PIAS1: variants seen among roughly 807,000 people sequenced by gnomAD.
PIAS1 encodes the protein E3 SUMO-protein ligase PIAS1.
Under a neutral mutation model 71.3 loss-of-function variants are expected in PIAS1, and 6 were observed. The observed-to-expected ratio is 0.08, with a 90% CI of 0.05 to 0.17. The LOEUF (loss-of-function observed/expected upper bound fraction) is 0.17, where lower values mean the gene tolerates loss of function less well. Among genes scored for constraint, PIAS1 ranks in the 10% least tolerant of loss-of-function variants. PIAS1 has a pLI of 1.00. For synonymous variants in PIAS1, 303 were observed against 292.9 expected, an observed-to-expected ratio of 1.03 and a Z score of -0.35; for missense variants, 555 against 793.6, an observed-to-expected ratio of 0.70 and a Z score of 3.61.
intron 2 of PIAS1, among the ~76,000 whole-genome samples, chr15:68,121,242 T>A (rs1300207032): frequency 6.7e-6 from 1 of 150,124 alleles, no homozygotes; most frequent in Non-Finnish European, 1.5e-5. Context: ...AGTAAAGTGT[T>A]AACAGTTGAC....
rs1358983681 is a variant in PIAS1 at position 68,178,170 on chromosome 15, T to C, written c.1481+1516T>C. On this transcript the variant is annotated intron_variant, in intron 11 of 13. Coordinates refer to ENST00000249636, the MANE Select transcript of PIAS1 (RefSeq NM_016166.3). The surrounding 1 kb of genome is among the most constrained non-coding windows in gnomAD (Gnocchi z 4.2). ...CTGTTGTCCCAACTACTCGGAGGGC[T>C]GATGGGGGAGGATCACTTGAACCTG... 6.6e-6 allele frequency among the ~76,000 whole-genome samples: 1 copy of C among 152,190 alleles called. No homozygotes were observed. Among genetic ancestry groups the C allele is most frequent in the Non-Finnish European group, 1.5e-5 (1 of 68,034 alleles).
chr15:68,096,391 T>A (rs2092375598), intron 2 of PIAS1, among the ~76,000 whole-genome samples: 1 of 152,108 alleles, frequency 6.6e-6, no homozygotes, highest in Non-Finnish European at 1.5e-5. Context: ...TTTTCAAGAT[T>A]GTTTTTGCTT....
At chr15:68,109,006 C>G (rs1035562059) in intron 2 of PIAS1, among the ~76,000 whole-genome samples, 2 of 152,150 alleles carry the variant, frequency 1.3e-5, no homozygotes, top group Non-Finnish European at 1.5e-5. Context: ...CATGTTACTC[C>G]TCTGTTTAAA....
At chr15:68,165,195 C>T (rs573380772) in intron 8 of PIAS1, among the ~76,000 whole-genome samples, 52 of 152,296 alleles carry the variant, frequency 3.4e-4, no homozygotes, top group African/African-American at 1.3e-3. Flanking sequence ...CATCTCGGCT[C>T]ACCACAACCT....
rs1296210034 is a variant in PIAS1 at position 68,193,548 on chromosome 15, A to G, written c.*5713A>G. 2.6e-5 allele frequency: 4 copies of G among 153,666 alleles called. No homozygotes were observed. Among genetic ancestry groups the G allele is most frequent in the African/African-American group, 9.6e-5 (4 of 41,492 alleles). 9.5% of individuals were successfully genotyped at this position (153,666 alleles called of 1,614,324 possible). ...TGGCTTCATCTTGGAAAATCTTGGA[A>G]ATATGGAAGATGGTTCTAGCCCCCA... On this transcript the variant is annotated 3_prime_UTR_variant, in exon 14 of 14. Coordinates refer to ENST00000249636, the MANE Select transcript of PIAS1 (RefSeq NM_016166.3).
At chr15:68,165,408 A>G (rs760021489) in intron 8 of PIAS1, among the ~76,000 whole-genome samples, 1 of 152,188 alleles carries the variant, frequency 6.6e-6, no homozygotes, top group East Asian at 1.9e-4. Context: ...GGTGTGACCC[A>G]CCGCACCTGG....
chr15:68,164,706 T>TTCC, intron 7 of PIAS1, 25 bp from the exon 8 acceptor site: 1 of 1,432,012 alleles, frequency 7.0e-7, no homozygotes. Context: ...GTTTGCTTTT[T>TTCC]TTCTTCTTCT....
chr15:68,069,937 ATTTTGGGAAATGTT>A (rs1331000882), intron 1 of PIAS1, among the ~76,000 whole-genome samples: 2 of 152,060 alleles, frequency 1.3e-5, no homozygotes, highest in Non-Finnish European at 2.9e-5. Context: ...GAAGAACTTT[ATTTTGGGAAATGTT>A]TTCTGGAATA....
intron 2 of PIAS1, among the ~76,000 whole-genome samples, chr15:68,088,579 T>C (rs970568564): frequency 6.6e-6 from 1 of 152,150 alleles, no homozygotes; most frequent in African/African-American, 2.4e-5. Context: ...CTCATCGTTA[T>C]AGAATTAAAA....
Position 68,145,887 on chromosome 15 carries a change from C to G in PIAS1, c.674C>G (p.Thr225Arg). The change falls in exon 5 of 14, where the codon ACA becomes AGA. Residue 225 changes from threonine (T) to arginine (R), a missense_variant. Physicochemically the swap from Thr to Arg is moderately conservative, Grantham distance 71. Coordinates refer to ENST00000249636, the MANE Select transcript of PIAS1 (RefSeq NM_016166.3). ...FPPNLCVKVN[T>R]KPCSLPGYLP... ...CCCAATCTTTGTGTGAAAGTGAATACAAAACCTTGCAGCCTTCCAGTAAGT... is the reference window on the plus strand; with the variant it reads ...CCCAATCTTTGTGTGAAAGTGAATAGAAAACCTTGCAGCCTTCCAGTAAGT... 6.2e-7 allele frequency: 1 copy of G among 1,607,678 alleles called. No homozygotes were observed. Among genetic ancestry groups the G allele is most frequent in the Non-Finnish European group, 8.5e-7 (1 of 1,174,388 alleles).
chr15:68,125,974 C>T (rs922212841), intron 2 of PIAS1, among the ~76,000 whole-genome samples: 6 of 152,334 alleles, frequency 3.9e-5, no homozygotes, highest in African/African-American at 1.4e-4. Context: ...GCTGGGATTA[C>T]AGGCATGAGC....
chr15:68,110,460 G>A (rs557619737), intron 2 of PIAS1, among the ~76,000 whole-genome samples: 79 of 152,224 alleles, frequency 5.2e-4, no homozygotes, highest in African/African-American at 1.9e-3. Context: ...GCCCGGTGTG[G>A]TGGCGGGTGC....
chr15:68,108,302 C>T (rs1294484010), intron 2 of PIAS1, among the ~76,000 whole-genome samples: 4 of 152,142 alleles, frequency 2.6e-5, no homozygotes, highest in Admixed American at 6.6e-5. Context: ...ATGCCAAACC[C>T]CATGATCTGT....
chr15:68,183,907 C>T (rs980388045), intron 13 of PIAS1: 6 of 343,200 alleles, frequency 1.7e-5, no homozygotes, highest in African/African-American at 6.4e-5. Flanking sequence ...AAGTATCACA[C>T]GTATAATTAT....
rs148686568 is a variant in PIAS1 at position 68,141,758 on chromosome 15, TTTG to T, written c.470-185_470-183del. Reference sequence around the variant, plus strand: ...ATGTGTTATTCTGGAATTAGCCATTTTTGTTTCTATTTCTGTTTGTTATGTTAC... The same window carrying T: ...ATGTGTTATTCTGGAATTAGCCATTTTTTCTATTTCTGTTTGTTATGTTAC... On this transcript the variant is annotated intron_variant, in intron 2 of 13. Coordinates refer to ENST00000249636, the MANE Select transcript of PIAS1 (RefSeq NM_016166.3). 0.023 allele frequency among the ~76,000 whole-genome samples: 3,469 copies of T among 152,272 alleles called. 128 individuals are homozygous for T. The highest frequency in any genetic ancestry group is 0.079 in the African/African-American group (3,278 of 41,542).
chr15:68,151,703 C>A (rs1278402375), intron 6 of PIAS1, among the ~76,000 whole-genome samples: 1 of 102,822 alleles, frequency 9.7e-6, no homozygotes, highest in African/African-American at 3.8e-5. Flanking sequence ...CACACACACA[C>A]ACACAAATTA....
chr15:68,182,967 T>C (rs888493276), intron 12 of PIAS1, among the ~76,000 whole-genome samples: 1 of 152,222 alleles, frequency 6.6e-6, no homozygotes, highest in Non-Finnish European at 1.5e-5. Context: ...TTCATGCTTG[T>C]TCACTTGCTC....
intron 1 of PIAS1, among the ~76,000 whole-genome samples, chr15:68,080,380 G>GAGGT (rs2092217701): frequency 6.6e-6 from 1 of 152,164 alleles, no homozygotes; most frequent in Non-Finnish European, 1.5e-5. Context: ...TGGACCTGGA[G>GAGGT]AGGTGGAAGA....
intron 12 of PIAS1, among the ~76,000 whole-genome samples, chr15:68,182,412 G>A (rs1194025732): frequency 7.0e-6 from 1 of 142,962 alleles, no homozygotes; most frequent in Non-Finnish European, 1.5e-5. Context: ...CCCATTCCCG[G>A]GAAGTTACAG....
Sources: allele counts gnomAD v4.1 joint callset (sites outside exome capture counted in the v4.1 genomes callset), GRCh38; gene constraint gnomAD v4.1.1; non-coding constraint Gnocchi (gnomAD v3.1); transcripts MANE v1.5; gene names NCBI Gene and HGNC (gene_info 2026-07-23, HGNC 2026-07-21).